PARP4: variants seen among roughly 807,000 people sequenced by gnomAD.
PARP4 encodes poly(ADP-ribose) polymerase family member 4, also known as protein mono-ADP-ribosyltransferase PARP4.
A neutral mutation model predicts 187.7 loss-of-function variants in PARP4; 120 were observed. The observed-to-expected ratio is 0.64, with a 90% CI of 0.55 to 0.74. PARP4 has a LOEUF of 0.74. PARP4 is among the 30% of genes least tolerant of loss of function. The pLI is 0.00. For synonymous variants in PARP4, 654 were observed against 740.9 expected (o/e 0.88, Z 1.90); for missense variants, 1,836 against 2,070.5 (o/e 0.89, Z 2.20).
chr13:24,505,181 C>G (rs970692054), intron 1 of PARP4, among the ~76,000 whole-genome samples: 14 of 151,992 alleles, frequency 9.2e-5, no homozygotes, highest in Admixed American at 4.6e-4. Context: ...AGAGAGGAGA[C>G]AGAGCTAGAG....
chr13:24,451,642 C>CAGAATA (rs113990150), intron 24 of PARP4, among the ~76,000 whole-genome samples: 23,748 of 152,056 alleles, frequency 0.16, 2,426 homozygotes, highest in African/African-American at 0.28. Flanking sequence ...TGCACTGCCA[C>CAGAATA]CAGATAGCTG....
At chr13:24,477,327 C>G (rs554649351) in intron 14 of PARP4, among the ~76,000 whole-genome samples, 4 of 151,762 alleles carry the variant, frequency 2.6e-5, no homozygotes, top group Admixed American at 2.6e-4. Flanking sequence ...AAAAAAAAGT[C>G]ACGGATGGTA....
chr13:24,448,910 G>C (rs987577232), intron 25 of PARP4, among the ~76,000 whole-genome samples: 2 of 152,216 alleles, frequency 1.3e-5, no homozygotes, highest in African/African-American at 4.8e-5. Context: ...GAGATACTCA[G>C]AAAAGGCAAA....
chr13:24,436,424 C>T (rs1020722243), intron 30 of PARP4, among the ~76,000 whole-genome samples: 3 of 152,214 alleles, frequency 2.0e-5, no homozygotes, highest in African/African-American at 7.2e-5. Flanking sequence ...TCGCCTCAGA[C>T]TCCCCAGTAG....
rs1320799977 is a variant in PARP4, at chr13:24,501,850, G to A, written c.133-16C>T. 11 of 1,481,710 alleles carry A rather than the reference G, an allele frequency of 7.4e-6. No individual in the cohort carries two copies. Among genetic ancestry groups the A allele is most frequent in the Non-Finnish European group, 1.0e-5 (11 of 1,064,376 alleles). The allele number at this position is 1,481,710 out of a possible 1,614,324, so 91.8% of individuals were successfully genotyped here. A position where few individuals can be genotyped will look rare whatever the true frequency, so the allele number is the denominator to read the frequency against. On this transcript the variant is annotated splice_polypyrimidine_tract_variant and intron_variant, in intron 2 of 33. Coordinates refer to ENST00000381989, the MANE Select transcript of PARP4 (RefSeq NM_006437.4). ...TATGTGTGCACTAAGGAAAAAAAGA[G>A]TCAATCCATTATGCATCAAGAAAAA...
Position 24,458,463 on chromosome 13 carries a change from G to A in PARP4, c.2424+581C>T, listed in dbSNP as rs539983858. 9.2e-5 allele frequency among the ~76,000 whole-genome samples: 14 copies of A among 151,862 alleles called. No individual in the cohort carries two copies. The East Asian group carries it at 2.5e-3, about 27-fold the overall frequency. Reference sequence around the variant, plus strand: ...GTGCTGGCACAGGCCTGTAGCCCTAGCTACTCAGGAGCCTGAAGCAGGAGG... The same window carrying A: ...GTGCTGGCACAGGCCTGTAGCCCTAACTACTCAGGAGCCTGAAGCAGGAGG... On this transcript the variant is annotated intron_variant, in intron 20 of 33. Transcript: ENST00000381989.
At chr13:24,466,568 G>A (rs1872481664) in intron 17 of PARP4, among the ~76,000 whole-genome samples, 1 of 152,108 alleles carries the variant, frequency 6.6e-6, no homozygotes, top group Non-Finnish European at 1.5e-5. Flanking sequence ...GCAGAGGCAG[G>A]AGAATCACTT....
chr13:24,480,191 A>G (rs1873202512), intron 12 of PARP4, among the ~76,000 whole-genome samples: 1 of 152,184 alleles, frequency 6.6e-6, no homozygotes, highest in Admixed American at 6.5e-5. Flanking sequence ...ATGCATTACT[A>G]TTGCAATTGT....
intron 32 of PARP4, among the ~76,000 whole-genome samples, chr13:24,428,476 T>A (rs1870172033): frequency 6.6e-6 from 1 of 152,194 alleles, no homozygotes; most frequent in South Asian, 2.1e-4. Flanking sequence ...AGCTCCAGCC[T>A]CACTTGACAA....
chr13:24,491,474 G>T (rs143381399), intron 9 of PARP4, among the ~76,000 whole-genome samples: 7 of 152,304 alleles, frequency 4.6e-5, no homozygotes, highest in Admixed American at 3.3e-4. Context: ...ATTTGGAAGG[G>T]TCTTATATTT....
chr13:24,497,023 G>A (rs757457531), intron 6 of PARP4, among the ~76,000 whole-genome samples: 8 of 152,032 alleles, frequency 5.3e-5, no homozygotes, highest in African/African-American at 9.7e-5. Context: ...ACTCTGTCTC[G>A]GGGAAAAAGA....
At chr13:24,505,003 CTTT>C (rs34271210) in intron 1 of PARP4, among the ~76,000 whole-genome samples, 14 of 129,700 alleles carry the variant, frequency 1.1e-4, no homozygotes, top group Non-Finnish European at 1.6e-4. Flanking sequence ...CACACCCCCG[CTTT>C]TTTTTTTTTT....
intron 33 of PARP4, among the ~76,000 whole-genome samples, chr13:24,425,593 C>A (rs1483627555): frequency 0.02 from 2,313 of 118,296 alleles, 57 homozygotes; most frequent in African/African-American, 0.083. Context: ...ATATCTATAT[C>A]TATATCTATA....
intron 10 of PARP4, among the ~76,000 whole-genome samples, chr13:24,488,402 G>A (rs1364300850): frequency 6.6e-6 from 1 of 152,166 alleles, no homozygotes; most frequent in African/African-American, 2.4e-5. Context: ...CTCCCAGGCT[G>A]GAGTGCAGTG....
At chr13:24,475,868 C>T (rs7326664) in intron 14 of PARP4, among the ~76,000 whole-genome samples, 78,721 of 151,554 alleles carry the variant, frequency 0.52, 20,638 homozygotes, top group South Asian at 0.65. Flanking sequence ...CACAGTAGAC[C>T]CCTCCTCTCT....
At chr13:24,493,374 C>T (rs938611159) in intron 8 of PARP4, among the ~76,000 whole-genome samples, 10 of 152,206 alleles carry the variant, frequency 6.6e-5, no homozygotes, top group African/African-American at 2.4e-4. Flanking sequence ...TCGATCAGCT[C>T]TTGAGGCTGA....
chr13:24,441,020 C>T (rs1870899759), intron 30 of PARP4, among the ~76,000 whole-genome samples: 1 of 152,114 alleles, frequency 6.6e-6, no homozygotes, highest in Non-Finnish European at 1.5e-5. Context: ...TACAGGCAAG[C>T]ACCACCACGC....
chr13:24,474,946 C>T (rs1307701993), intron 15 of PARP4, among the ~76,000 whole-genome samples: 3 of 152,282 alleles, frequency 2.0e-5, no homozygotes, highest in African/African-American at 7.2e-5. Context: ...ATCTCCTTGG[C>T]GCGCCTGGGC....
At chr13:24,423,521 A>G (rs1869856292) in intron 33 of PARP4, among the ~76,000 whole-genome samples, 1 of 129,824 alleles carries the variant, frequency 7.7e-6, no homozygotes, top group Non-Finnish European at 1.6e-5. Flanking sequence ...ACAGAACGAG[A>G]TCTGGCCTCA....
Sources: allele counts gnomAD v4.1 joint callset (sites outside exome capture counted in the v4.1 genomes callset), GRCh38; gene constraint gnomAD v4.1.1; transcripts MANE v1.5; gene names NCBI Gene and HGNC (gene_info 2026-07-23, HGNC 2026-07-21).